BICC1: variants seen among roughly 807,000 people sequenced by gnomAD.
BICC1 encodes the protein protein bicaudal C homolog 1.
Under a neutral mutation model 111.0 loss-of-function variants are expected in BICC1, and 43 were observed. The ratio of observed to expected loss-of-function variants is 0.39; its 90% CI spans 0.30 to 0.50. The LOEUF (loss-of-function observed/expected upper bound fraction) is 0.50, where lower values mean the gene tolerates loss of function less well. BICC1 is among the 20% of genes least tolerant of loss of function. The pLI is 0.88. For synonymous variants in BICC1, 467 were observed against 434.4 expected (o/e 1.07, Z -0.93); for missense variants, 1,091 against 1,203.2 (o/e 0.91, Z 1.38).
intron 3 of BICC1, among the ~76,000 whole-genome samples, chr10:58,710,357 A>C (rs1355441528): frequency 6.6e-6 from 1 of 152,142 alleles, no homozygotes; most frequent in African/African-American, 2.4e-5. Flanking sequence ...AATGTATAAT[A>C]ATATCTCTTC....
chr10:58,663,829 C>CT (rs1838923905), intron 2 of BICC1, among the ~76,000 whole-genome samples: 1 of 152,130 alleles, frequency 6.6e-6, no homozygotes, highest in Admixed American at 6.5e-5. Context: ...ATGCTATAGT[C>CT]TTTTGTCTTC....
Position 58,827,063 on chromosome 10 carries a change from A to G in BICC1, c.2795-1698A>G, listed in dbSNP as rs868410463. On this transcript the variant is annotated intron_variant, in intron 20 of 20. Coordinates refer to ENST00000373886, the MANE Select transcript of BICC1 (RefSeq NM_001080512.3). ...TTTAAAGTTCTTTTGATGTTGGATAATGCCCCTGGCCACTGAAAACCCCAT... is the reference window on the plus strand; with the variant it reads ...TTTAAAGTTCTTTTGATGTTGGATAGTGCCCCTGGCCACTGAAAACCCCAT... Among the ~76,000 whole-genome samples, 18 of 152,334 alleles carry G rather than the reference A, an allele frequency of 1.2e-4. No individual in the cohort carries two copies. In the Middle Eastern group the frequency reaches 0.01, roughly 86 times the overall value.
chr10:58,565,378 C>CAG, intron 1 of BICC1, among the ~76,000 whole-genome samples: 1 of 152,172 alleles, frequency 6.6e-6, no homozygotes, highest in Non-Finnish European at 1.5e-5. Flanking sequence ...AGATGCTGAG[C>CAG]AGAGCCTCTT....
chr10:58,814,969 G>T lies in BICC1; in HGVS notation c.2533+983G>T, dbSNP rs187174812. Among the ~76,000 whole-genome samples, 4 of 152,248 alleles carry T rather than the reference G, an allele frequency of 2.6e-5. No homozygotes were observed. In the East Asian group the frequency reaches 7.7e-4, roughly 29 times the overall value. ...AAAATTAACTTATTACAGCATGGGG[G>T]TTCTGGCTTTTAGCAAATCTGGCTG... On this transcript the variant is annotated intron_variant, in intron 18 of 20. Coordinates refer to ENST00000373886, the MANE Select transcript of BICC1 (RefSeq NM_001080512.3).
intron 2 of BICC1, among the ~76,000 whole-genome samples, chr10:58,683,446 CA>C (rs1181947936): frequency 6.6e-6 from 1 of 152,188 alleles, no homozygotes; most frequent in Non-Finnish European, 1.5e-5. Flanking sequence ...ATGGGGATGG[CA>C]TTGAATCTAT....
intron 1 of BICC1, among the ~76,000 whole-genome samples, chr10:58,575,639 C>T (rs1337161988): frequency 6.6e-6 from 1 of 151,560 alleles, no homozygotes; most frequent in East Asian, 1.9e-4. Context: ...GGTAGGCTCT[C>T]CTTGGACTCC....
chr10:58,590,454 G>A (rs1483764310), intron 1 of BICC1, among the ~76,000 whole-genome samples: 1 of 152,112 alleles, frequency 6.6e-6, no homozygotes, highest in Non-Finnish European at 1.5e-5. Flanking sequence ...CCATTTTAGA[G>A]TATCTCTTAA....
intron 1 of BICC1, among the ~76,000 whole-genome samples, chr10:58,588,004 T>TCTTTG (rs1844484322): frequency 6.6e-6 from 1 of 152,228 alleles, no homozygotes; most frequent in Non-Finnish European, 1.5e-5. Flanking sequence ...TTGAAGAAGA[T>TCTTTG]ATCTTTGAAC....
chr10:58,798,323 A>G (rs1843422347), intron 10 of BICC1, 76 bp from the exon 11 acceptor site: 11 of 1,107,864 alleles, frequency 9.9e-6, no homozygotes, highest in Non-Finnish European at 1.2e-5. Context: ...TGCATTCCCA[A>G]TGGCAATATT....
chr10:58,727,629 T>C (rs1192966149), intron 3 of BICC1, among the ~76,000 whole-genome samples: 1 of 152,120 alleles, frequency 6.6e-6, no homozygotes, highest in Admixed American at 6.6e-5. Flanking sequence ...CGGTTCATAC[T>C]TAAGAATTAC....
chr10:58,668,227 C>G (rs994320763), intron 2 of BICC1, among the ~76,000 whole-genome samples: 1 of 152,042 alleles, frequency 6.6e-6, no homozygotes, highest in African/African-American at 2.4e-5. Flanking sequence ...TGCATTATTG[C>G]CTTGGGCCAG....
intron 3 of BICC1, among the ~76,000 whole-genome samples, chr10:58,738,756 G>T (rs1371510657): frequency 1.7e-4 from 25 of 151,288 alleles, no homozygotes; most frequent in Non-Finnish European, 2.5e-4. Context: ...TATCCTCTTT[G>T]ATTTCATTGA....
intron 1 of BICC1, among the ~76,000 whole-genome samples, chr10:58,525,763 G>A (rs916649563): frequency 1.3e-5 from 2 of 151,694 alleles, no homozygotes; most frequent in South Asian, 4.1e-4. Flanking sequence ...AAAAATAATC[G>A]TCAGTAATCT....
chr10:58,620,784 T>C, intron 1 of BICC1, 71 bp from the exon 2 acceptor site: 1 of 1,456,114 alleles, frequency 6.9e-7, no homozygotes, highest in Non-Finnish European at 9.5e-7. Flanking sequence ...CATTCTCATA[T>C]CTGATGCTCG....
chr10:58,620,786 T>A, intron 1 of BICC1, 69 bp from the exon 2 acceptor site: 1 of 1,473,908 alleles, frequency 6.8e-7, no homozygotes, highest in Non-Finnish European at 9.4e-7. Flanking sequence ...TTCTCATATC[T>A]GATGCTCGAA....
At chr10:58,811,084 T>G (rs935088148) in intron 17 of BICC1, among the ~76,000 whole-genome samples, 19 of 152,210 alleles carry the variant, frequency 1.2e-4, no homozygotes, top group Non-Finnish European at 1.5e-5. Context: ...AAGAGATCCC[T>G]TAGATAAGAA....
chr10:58,742,836 T>C (rs1021517894), intron 3 of BICC1, among the ~76,000 whole-genome samples: 2 of 152,174 alleles, frequency 1.3e-5, no homozygotes, highest in African/African-American at 4.8e-5. Flanking sequence ...GAAGCTGATA[T>C]TCCTTAATTT....
chr10:58,609,607 T>C (rs1040604284), intron 1 of BICC1, among the ~76,000 whole-genome samples: 1 of 152,232 alleles, frequency 6.6e-6, no homozygotes, highest in African/African-American at 2.4e-5. Context: ...AATCAAAACA[T>C]TATTAAGATT....
At chr10:58,589,630 C>A (rs967290551) in intron 1 of BICC1, among the ~76,000 whole-genome samples, 1 of 151,892 alleles carries the variant, frequency 6.6e-6, no homozygotes. Flanking sequence ...TGCCACCATG[C>A]CTGCTGATTT....
Sources: allele counts gnomAD v4.1 joint callset (sites outside exome capture counted in the v4.1 genomes callset), GRCh38; gene constraint gnomAD v4.1.1; transcripts MANE v1.5; gene names NCBI Gene and HGNC (gene_info 2026-07-23, HGNC 2026-07-21).